HEATR6: variants seen among roughly 807,000 people sequenced by gnomAD.
HEATR6 encodes HEAT repeat containing 6, also known as HEAT repeat-containing protein 6.
A neutral mutation model predicts 132.8 loss-of-function variants in HEATR6; 106 were observed. The ratio of observed to expected loss-of-function variants is 0.80; its 90% CI spans 0.68 to 0.94. The LOEUF is 0.94. Ranked by LOEUF, HEATR6 falls within the 40% of genes least tolerant of loss-of-function variation. The pLI is 0.00. For missense variants in HEATR6, 1,339 were observed against 1,425.1 expected (o/e 0.94, Z 0.97); for synonymous variants, 529 against 537.8 (o/e 0.98, Z 0.23).
chr17:60,043,407 T>G lies in HEATR6; in HGVS notation c.*156A>C, dbSNP rs1001605364. On this transcript the variant is annotated 3_prime_UTR_variant, in exon 20 of 20. Coordinates refer to ENST00000184956, the MANE Select transcript of HEATR6 (RefSeq NM_022070.5). Reference sequence around the variant, plus strand: ...TGCTATGGAGTCACTCCAAAGGTGGTTGAGCCCTCTGTGAAAATTTAAATG... The same window carrying G: ...TGCTATGGAGTCACTCCAAAGGTGGGTGAGCCCTCTGTGAAAATTTAAATG... 1 of 670,328 alleles carries G rather than the reference T, an allele frequency of 1.5e-6. No homozygotes were observed. The highest frequency in any genetic ancestry group is 1.9e-5 in the South Asian group (1 of 51,490). The allele number at this position is 670,328 out of a possible 1,614,324, so 41.5% of individuals were successfully genotyped here.
In HEATR6 at chr17:60,069,851, A is replaced by G. The variant is rs1568639802; in HGVS notation, c.802-3T>C. The G allele has an allele frequency of 7.4e-6, 12 of 1,613,778 alleles. No homozygotes were observed. The Middle Eastern group carries it at 9.9e-4, about 133-fold the overall frequency. On this transcript the variant is annotated splice_polypyrimidine_tract_variant and splice_region_variant and intron_variant, in intron 6 of 19. Coordinates refer to ENST00000184956, the MANE Select transcript of HEATR6 (RefSeq NM_022070.5). ...GGGAGTCCGTGAAACATGAATTTCT[A>G]ATAATGATGAATAAGGACACACACA... is the stretch of plus-strand genomic sequence containing the variant.
chr17:60,067,538 T>G lies in HEATR6; in HGVS notation c.1134A>C (p.Glu378Asp), dbSNP rs143932127. The change falls in exon 8 of 20, where the codon GAA becomes GAC. Residue 378 changes from glutamate (E) to aspartate (D), a missense_variant. By Grantham distance (45) the Glu-to-Asp change is conservative. Transcript: ENST00000184956. ...TGAAGGATGAGGAGACTCCATCTTT[T>G]TCTGCAGCTCCACTTCCATCTAAAG... ...SLPLDGSGAA[E>D]KDGVSSSFSS... 2.5e-6 allele frequency: 4 copies of G among 1,613,466 alleles called. No individual in the cohort carries two copies. The African/African-American group carries it at 4.0e-5, about 16-fold the overall frequency.
At position 60,041,634 on chromosome 17, in the gene HEATR6, G is replaced by T. The variant is rs774433460; in HGVS notation, c.*1929C>A. Reference sequence around the variant, plus strand: ...AACATTCAATATGGGTGTCTTTGCTGTGCTTGCAGTCTTAATTCTGTGGAC... The same window carrying T: ...AACATTCAATATGGGTGTCTTTGCTTTGCTTGCAGTCTTAATTCTGTGGAC... On this transcript the variant is annotated 3_prime_UTR_variant, in exon 20 of 20. Transcript: ENST00000184956. 6.6e-6 allele frequency among the ~76,000 whole-genome samples: 1 copy of T among 152,138 alleles called. No homozygotes were observed. Among genetic ancestry groups the T allele is most frequent in the Non-Finnish European group, 1.5e-5 (1 of 68,034 alleles).
chr17:60,070,830 G>C (rs1392310985), intron 5 of HEATR6, 23 bp from the exon 6 acceptor site: 1 of 1,244,362 alleles, frequency 8.0e-7, no homozygotes, highest in African/African-American at 1.5e-5. Flanking sequence ...GGGAGACCCA[G>C]TTAGAAGGCA....
rs528487423 is a variant in HEATR6, at chr17:60,043,092, C to T, written c.*471G>A. 117 of 269,832 alleles carry T rather than the reference C, an allele frequency of 4.3e-4. No homozygotes were observed. The highest frequency in any genetic ancestry group is 7.7e-4 in the Non-Finnish European group (105 of 136,500). The allele number at this position is 269,832 out of a possible 1,614,324, so 16.7% of individuals were successfully genotyped here. ...GGCTGTGAGGCACTGTCAGCATCCT[C>T]GCATCCTGTGCAGCTGGGCCAGGAC... is the stretch of plus-strand genomic sequence containing the variant. On this transcript the variant is annotated 3_prime_UTR_variant, in exon 20 of 20. Transcript: ENST00000184956.
intron 8 of HEATR6, among the ~76,000 whole-genome samples, chr17:60,066,676 A>G (rs1188327678): frequency 1.3e-5 from 2 of 152,228 alleles, no homozygotes; most frequent in Non-Finnish European, 2.9e-5. Context: ...CTGGTGTTAG[A>G]CATGAAACAC....
intron 9 of HEATR6, chr17:60,063,388 T>A (rs2083222360): frequency 6.6e-6 from 1 of 152,240 alleles, no homozygotes; most frequent in Admixed American, 6.5e-5. Flanking sequence ...TATGCGTTTA[T>A]AACACCTAAG....
Position 60,069,897 on chromosome 17 carries a change from C to A in HEATR6, c.802-49G>T, listed in dbSNP as rs201453355. 3.2e-3 allele frequency: 5,187 copies of A among 1,599,070 alleles called. 14 individuals carry two copies. Among genetic ancestry groups the A allele is most frequent in the Non-Finnish European group, 3.7e-3 (4,366 of 1,170,984 alleles). ...ACACACACACACGAAACCAAAAAAA[C>A]CATTAATCATAAACCATTAATCATA... On this transcript the variant is annotated intron_variant, in intron 6 of 19. Transcript: ENST00000184956.
intron 9 of HEATR6, chr17:60,063,269 T>A (rs2083221776): frequency 6.6e-6 from 1 of 152,214 alleles, no homozygotes; most frequent in Non-Finnish European, 1.5e-5. Flanking sequence ...GAAACAGCAA[T>A]AAATCATCAT....
chr17:60,049,971 G>C (rs1207256969), intron 15 of HEATR6, among the ~76,000 whole-genome samples: 3 of 152,172 alleles, frequency 2.0e-5, no homozygotes, highest in Non-Finnish European at 4.4e-5. Flanking sequence ...ATGTAAATAA[G>C]AATGGAGGCA....
At chr17:60,078,655 G>A (rs2083308330) in intron 1 of HEATR6, 41 bp downstream of exon 1, 1 of 1,481,834 alleles carries the variant, frequency 6.7e-7, no homozygotes, top group African/African-American at 1.4e-5. Context: ...GTTCCCGGAG[G>A]GGTGGGGCCG....
chr17:60,060,040 A>G lies in HEATR6; in HGVS notation c.1473T>C (p.Phe491=). Residue 491 remains phenylalanine (F), a synonymous_variant, in exon 10 of 20, where the codon TTT becomes TTC. Coordinates refer to ENST00000184956, the MANE Select transcript of HEATR6 (RefSeq NM_022070.5). ...LSAILEGSKQ[F]LSVAEDTSDH... ...CACTGGTATCTTCAGCAACAGAAAGAAACTGCTTTGAGCCTTCCAAGATGG... is the reference window on the plus strand; with the variant it reads ...CACTGGTATCTTCAGCAACAGAAAGGAACTGCTTTGAGCCTTCCAAGATGG... 2 of 1,614,090 alleles carry G rather than the reference A, an allele frequency of 1.2e-6. No homozygotes were observed.
chr17:60,068,759 T>C (rs796692865), intron 7 of HEATR6, among the ~76,000 whole-genome samples: 4 of 152,202 alleles, frequency 2.6e-5, no homozygotes, highest in African/African-American at 9.6e-5. Flanking sequence ...CTACTCACTC[T>C]GAAATCTCTG....
rs1360058246 is a variant in HEATR6 at position 60,055,540 on chromosome 17, G to A, written c.2264C>T (p.Pro755Leu). The change falls in exon 14 of 20, where the codon CCT becomes CTT. Residue 755 changes from proline to leucine, a missense_variant. Pro to Leu is a moderately conservative substitution (Grantham distance 98). Transcript: ENST00000184956. ...CAAGAAGACTGGTGCTCTCTGATCAGGTGCTGCAGTGGAGTCTGGTTTATA... is the reference window on the plus strand; with the variant it reads ...CAAGAAGACTGGTGCTCTCTGATCAAGTGCTGCAGTGGAGTCTGGTTTATA... ...QQYKPDSTAA[P>L]DQRAPVFLVV... 5 of 1,612,486 alleles carry A rather than the reference G, an allele frequency of 3.1e-6. No homozygotes were observed. The highest frequency in any genetic ancestry group is 1.7e-5 in the Admixed American group (1 of 59,754).
At position 60,069,941 on chromosome 17, in the gene HEATR6, T is replaced by C. The variant is rs924186591; in HGVS notation, c.802-93A>G. 27 of 1,442,066 alleles carry C rather than the reference T, an allele frequency of 1.9e-5. No individual in the cohort carries two copies. The Admixed American group carries it at 3.7e-4, about 20-fold the overall frequency. 89.3% of individuals were successfully genotyped at this position (1,442,066 alleles called of 1,614,324 possible). On this transcript the variant is annotated intron_variant, in intron 6 of 19. Transcript: ENST00000184956. ...AATCATAAAATAGAACTATTTACCA[T>C]GTCTGGATCACAACACTCATAGATA...
chr17:60,071,934 C>T (rs73994285), intron 5 of HEATR6, among the ~76,000 whole-genome samples: 4,981 of 152,210 alleles, frequency 0.033, 269 homozygotes, highest in African/African-American at 0.11. Flanking sequence ...TTACTTTCAT[C>T]TTAAAGATAG....
Position 60,046,196 on chromosome 17 carries a change from A to G in HEATR6, c.2803T>C (p.Leu935=), listed in dbSNP as rs1417302069. The G allele has an allele frequency of 6.2e-7, 1 of 1,613,770 alleles. No individual in the cohort carries two copies. Among genetic ancestry groups the G allele is most frequent in the Non-Finnish European group, 8.5e-7 (1 of 1,179,932 alleles). The stretch of plus-strand genomic sequence containing the variant: ...TGAGAGGGTTGCAGAAAATGAAGCA[A>G]ATTTCCAAGGGCCCGGACTGCATTG... ...KSNAVRALGN[L]LHFLQPSHIE... Residue 935 remains leucine (L), a synonymous_variant, in exon 19 of 20, where the codon TTG becomes CTG. Coordinates refer to ENST00000184956, the MANE Select transcript of HEATR6 (RefSeq NM_022070.5).
Position 60,057,364 on chromosome 17 carries a change from G to A in HEATR6, c.1763C>T (p.Ala588Val), listed in dbSNP as rs1262114094. The change falls in exon 12 of 20, where the codon GCT becomes GTT. Residue 588 changes from alanine to valine, a missense_variant. Transcript: ENST00000184956. ...TAAAGGTGCGTGGGTGGACACTATA[G>A]CTCCCAAGAGTGTGAGACTTGACAC... Reference protein sequence around the residue: ...VRVSSLTLLGAIVSTHAPLPE... With the variant: ...VRVSSLTLLGVIVSTHAPLPE... 6.2e-7 allele frequency: 1 copy of A among 1,610,936 alleles called. No individual in the cohort carries two copies. Among genetic ancestry groups the A allele is most frequent in the East Asian group, 2.2e-5 (1 of 44,856 alleles).
At chr17:60,076,886 C>T (rs182889681) in intron 1 of HEATR6, among the ~76,000 whole-genome samples, 1 of 149,810 alleles carries the variant, frequency 6.7e-6, no homozygotes, top group Admixed American at 6.6e-5. Context: ...TTTTCAATGC[C>T]ATTGGGAAAA....
Sources: allele counts gnomAD v4.1 joint callset (sites outside exome capture counted in the v4.1 genomes callset), GRCh38; gene constraint gnomAD v4.1.1; transcripts MANE v1.5; gene names NCBI Gene and HGNC (gene_info 2026-07-23, HGNC 2026-07-21).